Variants in EPHA3 observed in about 807,000 individuals in gnomAD.
EPHA3 encodes the protein ephrin type-A receptor 3.
In EPHA3, 42 loss-of-function variants were observed where a neutral mutation model predicts 107.1. The observed-to-expected ratio is 0.39, with a 90% CI of 0.31 to 0.51. EPHA3 has a LOEUF of 0.51. Ranked by LOEUF, EPHA3 falls within the 20% of genes least tolerant of loss-of-function variation. The pLI, the probability that EPHA3 is intolerant of heterozygous loss-of-function variation, is 0.78. For missense variants in EPHA3, 1,183 were observed against 1,211.2 expected (o/e 0.98, Z 0.35); for synonymous variants, 461 against 424.8 (o/e 1.09, Z -1.05).
chr3:89,301,044 A>C (rs1706475669), intron 3 of EPHA3, among the ~76,000 whole-genome samples: 1 of 152,110 alleles, frequency 6.6e-6, no homozygotes, highest in Non-Finnish European at 1.5e-5. Flanking sequence ...ATTTTTGCTT[A>C]AGGTGATTTC....
At chr3:89,474,763 A>C (rs1172271626) in intron 16 of EPHA3, among the ~76,000 whole-genome samples, 1 of 152,238 alleles carries the variant, frequency 6.6e-6, no homozygotes, top group Non-Finnish European at 1.5e-5. Flanking sequence ...GAATGACAGC[A>C]TTTGTCATAC....
chr3:89,445,501 G>A (rs2107549821), intron 13 of EPHA3, among the ~76,000 whole-genome samples: 1 of 152,270 alleles, frequency 6.6e-6, no homozygotes, highest in Admixed American at 6.5e-5. Context: ...TACACCAAAA[G>A]TTGATCAATA....
At chr3:89,311,931 T>C (rs1337896116) in intron 3 of EPHA3, among the ~76,000 whole-genome samples, 1 of 152,010 alleles carries the variant, frequency 6.6e-6, no homozygotes, top group Non-Finnish European at 1.5e-5. Context: ...AAGAGTGGCT[T>C]TGAGGATGAC....
chr3:89,208,818 GA>G, intron 2 of EPHA3, among the ~76,000 whole-genome samples: 1 of 152,248 alleles, frequency 6.6e-6, no homozygotes, highest in East Asian at 1.9e-4. Flanking sequence ...TGAAATTCAA[GA>G]GTTAGAAAGT....
At chr3:89,143,269 C>T (rs1373726816) in intron 2 of EPHA3, among the ~76,000 whole-genome samples, 1 of 151,494 alleles carries the variant, frequency 6.6e-6, no homozygotes, top group East Asian at 1.9e-4. Flanking sequence ...AGCAATAATT[C>T]AAATTAAATA....
chr3:89,393,827 A>G (rs1179484599), intron 5 of EPHA3, among the ~76,000 whole-genome samples: 2 of 152,206 alleles, frequency 1.3e-5, no homozygotes, highest in African/African-American at 4.8e-5. Flanking sequence ...TAATTCAGCA[A>G]TACATTTATA....
intron 15 of EPHA3, among the ~76,000 whole-genome samples, chr3:89,470,599 C>A (rs183956675): frequency 6.6e-6 from 1 of 152,304 alleles, no homozygotes; most frequent in African/African-American, 2.4e-5. Flanking sequence ...GGATTCAACC[C>A]AGGCCTTACG....
chr3:89,231,344 C>A (rs1704630043), intron 3 of EPHA3, among the ~76,000 whole-genome samples: 1 of 151,986 alleles, frequency 6.6e-6, no homozygotes, highest in African/African-American at 2.4e-5. Flanking sequence ...GAATACACAT[C>A]TAAATATGTA....
intron 5 of EPHA3, among the ~76,000 whole-genome samples, chr3:89,392,489 G>C (rs1382681050): frequency 6.7e-6 from 1 of 150,240 alleles, no homozygotes; most frequent in South Asian, 2.1e-4. Context: ...TGCGATTTTA[G>C]CATCTATACC....
chr3:89,431,476 A>T, intron 13 of EPHA3, 117 bp downstream of exon 13: 1 of 699,214 alleles, frequency 1.4e-6, no homozygotes, highest in Non-Finnish European at 2.3e-6. Flanking sequence ...TTTCCACAAT[A>T]GAAAACATAT....
chr3:89,426,554 G>A (rs144230007), intron 11 of EPHA3, among the ~76,000 whole-genome samples: 10 of 151,912 alleles, frequency 6.6e-5, no homozygotes, highest in African/African-American at 2.2e-4. Context: ...AATGGTCATG[G>A]GGCTTTGACT....
At chr3:89,148,416 C>T (rs1353231881) in intron 2 of EPHA3, among the ~76,000 whole-genome samples, 4 of 151,690 alleles carry the variant, frequency 2.6e-5, no homozygotes, top group African/African-American at 9.7e-5. Flanking sequence ...AAGCATTAAG[C>T]AAATTTATTT....
At chr3:89,414,165 C>T (rs1202281667) in intron 10 of EPHA3, among the ~76,000 whole-genome samples, 2 of 151,500 alleles carry the variant, frequency 1.3e-5, no homozygotes, top group African/African-American at 2.4e-5. Flanking sequence ...TGTGTCTTTA[C>T]AAAAATGTAC....
chr3:89,409,128 T>C (rs1709109729), intron 9 of EPHA3, among the ~76,000 whole-genome samples: 1 of 152,064 alleles, frequency 6.6e-6, no homozygotes, highest in African/African-American at 2.4e-5. Flanking sequence ...GTATAGGAGT[T>C]TGAAGAAGCA....
At chr3:89,252,376 G>A (rs747620991) in intron 3 of EPHA3, among the ~76,000 whole-genome samples, 7 of 152,048 alleles carry the variant, frequency 4.6e-5, no homozygotes, top group Non-Finnish European at 5.9e-5. Flanking sequence ...AGTGGAGTAC[G>A]GACGTAAAAT....
At chr3:89,266,052 C>T (rs1374140375) in intron 3 of EPHA3, among the ~76,000 whole-genome samples, 2 of 152,136 alleles carry the variant, frequency 1.3e-5, no homozygotes, top group African/African-American at 2.4e-5. Context: ...AAATTCCTAG[C>T]TTAGCTCTGA....
chr3:89,401,999 T>C (rs1276327350), intron 7 of EPHA3, among the ~76,000 whole-genome samples: 3 of 152,212 alleles, frequency 2.0e-5, no homozygotes, highest in African/African-American at 7.2e-5. Flanking sequence ...GTGGTAGAAA[T>C]CAGGCATATT....
chr3:89,355,202 G>A (rs577117038), intron 5 of EPHA3, among the ~76,000 whole-genome samples: 1 of 151,292 alleles, frequency 6.6e-6, no homozygotes, highest in Non-Finnish European at 1.5e-5. Flanking sequence ...AGTAAGAAGA[G>A]TTCTGGAATG....
chr3:89,204,668 C>G (rs1706058264), intron 2 of EPHA3, among the ~76,000 whole-genome samples: 1 of 149,722 alleles, frequency 6.7e-6, no homozygotes, highest in South Asian at 2.1e-4. Flanking sequence ...CTAAGGAAAA[C>G]TACTTATGAA....
Sources: gnomAD v4.1 joint callset for allele counts (sites outside exome capture counted in the v4.1 genomes callset) on GRCh38, gnomAD v4.1.1 for gene constraint, MANE v1.5 for transcripts, NCBI Gene and HGNC (gene_info 2026-07-23, HGNC 2026-07-21) for gene names.